SLC8A1: variants seen among roughly 807,000 people sequenced by gnomAD.
The protein encoded by SLC8A1 is solute carrier family 8 member A1.
SLC8A1 carries 18 observed loss-of-function variants against 68.3 expected under a neutral mutation model. The observed-to-expected ratio is 0.26, with a 90% CI of 0.18 to 0.39. The LOEUF is 0.39. Among genes scored for constraint, SLC8A1 ranks in the 10% least tolerant of loss-of-function variants. The pLI is 1.00. For missense variants in SLC8A1, 985 were observed against 1,156.7 expected (o/e 0.85, Z 2.15); for synonymous variants, 475 against 415.5 (o/e 1.14, Z -1.74).
intron 7 of SLC8A1, chr2:40,120,792 TA>T (rs1218590116): frequency 1.3e-5 from 2 of 152,238 alleles, no homozygotes; most frequent in African/African-American, 2.4e-5. Context: ...ATTTACCTTT[TA>T]AAATTAGGTA....
intron 2 of SLC8A1, among the ~76,000 whole-genome samples, chr2:40,334,484 C>A (rs1412192392): frequency 6.6e-6 from 1 of 152,070 alleles, no homozygotes; most frequent in Non-Finnish European, 1.5e-5. Context: ...TGTATTAATA[C>A]AATTTGGATA....
At chr2:40,109,452 A>G (rs1406895680) in exon 8 of SLC8A1, 2 of 152,202 alleles carry the variant, frequency 1.3e-5, no homozygotes, top group Non-Finnish European at 2.9e-5. Flanking sequence ...TAAAATAAAC[A>G]ACACTATTAT....
At chr2:40,311,741 C>G (rs903381706) in intron 2 of SLC8A1, among the ~76,000 whole-genome samples, 3 of 151,546 alleles carry the variant, frequency 2.0e-5, no homozygotes, top group African/African-American at 7.3e-5. Flanking sequence ...CTGGAATGAA[C>G]ATGGATTACT....
chr2:40,107,814 G>C (rs978651463), exon 8 of SLC8A1: 1 of 152,154 alleles, frequency 6.6e-6, no homozygotes, highest in South Asian at 2.1e-4. Context: ...AGGGGACAGA[G>C]GAGATCCAGT....
chr2:40,202,343 A>G (rs1296425198), intron 2 of SLC8A1, among the ~76,000 whole-genome samples: 3 of 151,978 alleles, frequency 2.0e-5, no homozygotes, highest in Admixed American at 6.6e-5. Context: ...TCTGTGATTT[A>G]TCACTCAGAA....
exon 8 of SLC8A1, chr2:40,112,623 G>A (rs1252897925): frequency 1.3e-5 from 2 of 150,586 alleles, no homozygotes; most frequent in Non-Finnish European, 3.0e-5. Context: ...ATATTTACTT[G>A]GTGCTTCTAG....
chr2:40,408,069 G>C (rs933534607), intron 2 of SLC8A1, among the ~76,000 whole-genome samples: 10 of 152,260 alleles, frequency 6.6e-5, no homozygotes, highest in African/African-American at 1.9e-4. Flanking sequence ...TAATCTTCCA[G>C]CATGCCAGAA....
At chr2:40,451,632 C>T (rs985648886) in intron 1 of SLC8A1, among the ~76,000 whole-genome samples, 1 of 152,056 alleles carries the variant, frequency 6.6e-6, no homozygotes, top group Non-Finnish European at 1.5e-5. Flanking sequence ...GCAGCCTGCA[C>T]TGGCAGGCAG....
chr2:40,411,653 T>C (rs757304346), intron 2 of SLC8A1, among the ~76,000 whole-genome samples: 25 of 152,196 alleles, frequency 1.6e-4, no homozygotes, highest in Non-Finnish European at 2.4e-4. Context: ...ATTAAATAAA[T>C]TGTATTCATT....
intron 1 of SLC8A1, among the ~76,000 whole-genome samples, chr2:40,481,576 A>G (rs1245572150): frequency 1.3e-5 from 2 of 152,172 alleles, no homozygotes; most frequent in African/African-American, 2.4e-5. Flanking sequence ...TAAGAACCAT[A>G]GTTCGATCTG....
chr2:40,349,084 C>A (rs1448947549), intron 2 of SLC8A1, among the ~76,000 whole-genome samples: 1 of 152,110 alleles, frequency 6.6e-6, no homozygotes, highest in Admixed American at 6.6e-5. Flanking sequence ...CTCCTTCATG[C>A]CCATTCTCAT....
chr2:40,181,054 G>C (rs867992491), intron 2 of SLC8A1, among the ~76,000 whole-genome samples: 4 of 152,092 alleles, frequency 2.6e-5, no homozygotes, highest in African/African-American at 9.7e-5. Context: ...CCGCCTCCCA[G>C]GTTCAAGCGA....
intron 7 of SLC8A1, among the ~76,000 whole-genome samples, chr2:40,125,156 C>T (rs967138705): frequency 7.2e-5 from 11 of 152,120 alleles, no homozygotes; most frequent in South Asian, 2.1e-4. Context: ...AAGGAGTGAA[C>T]GGCTGAATTT....
intron 7 of SLC8A1, among the ~76,000 whole-genome samples, chr2:40,127,378 C>G (rs1024930564): frequency 3.0e-4 from 46 of 152,168 alleles, no homozygotes; most frequent in African/African-American, 1.1e-3. Flanking sequence ...CAGCCTCAAA[C>G]CAAGTGCTGG....
At chr2:40,254,249 T>C (rs1487436587) in intron 2 of SLC8A1, among the ~76,000 whole-genome samples, 1 of 152,174 alleles carries the variant, frequency 6.6e-6, no homozygotes, top group African/African-American at 2.4e-5. Flanking sequence ...AGAAATGAGA[T>C]TGGGGTCTTA....
chr2:40,457,493 G>A (rs562481571), intron 1 of SLC8A1, among the ~76,000 whole-genome samples: 1 of 152,162 alleles, frequency 6.6e-6, no homozygotes, highest in East Asian at 1.9e-4. Flanking sequence ...AGCCCTTGAA[G>A]ATGAAACCTA....
At chr2:40,267,181 A>C (rs1349109423) in intron 2 of SLC8A1, among the ~76,000 whole-genome samples, 4 of 152,156 alleles carry the variant, frequency 2.6e-5, no homozygotes, top group Non-Finnish European at 5.9e-5. Context: ...CAAAGTAACA[A>C]GGAGTTTGTT....
At chr2:40,366,770 CT>C (rs34923880) in intron 2 of SLC8A1, among the ~76,000 whole-genome samples, 279 of 148,756 alleles carry the variant, frequency 1.9e-3, no homozygotes, top group African/African-American at 6.2e-3. Context: ...TATTCTTATG[CT>C]TTTTTTTTTC....
At chr2:40,204,014 C>T (rs2054905784) in intron 2 of SLC8A1, among the ~76,000 whole-genome samples, 1 of 151,994 alleles carries the variant, frequency 6.6e-6, no homozygotes, top group African/African-American at 2.4e-5. Flanking sequence ...CCGTGCCCAG[C>T]TGGTGAAGGT....
Sources: allele counts gnomAD v4.1 joint callset (sites outside exome capture counted in the v4.1 genomes callset), GRCh38; gene constraint gnomAD v4.1.1; transcripts MANE v1.5; gene names NCBI Gene and HGNC (gene_info 2026-07-23, HGNC 2026-07-21).